Variants in ERBIN observed in about 807,000 individuals in gnomAD.
The protein encoded by ERBIN is densin-180-like protein.
In ERBIN, 60 loss-of-function variants were observed where a neutral mutation model predicts 158.4. That is an observed-to-expected ratio of 0.38 (90% confidence interval 0.31 to 0.47). ERBIN has a LOEUF of 0.47. Ranked by LOEUF, ERBIN falls within the 20% of genes least tolerant of loss-of-function variation. The probability of loss-of-function intolerance (pLI) is 0.99; values close to 1 mark genes in which losing one functional copy is unlikely to be tolerated. For synonymous variants in ERBIN, 594 were observed against 557.2 expected (o/e 1.07, Z -0.93); for missense variants, 1,610 against 1,648.0 (o/e 0.98, Z 0.40).
At position 66,054,493 on chromosome 5, in the gene ERBIN, A is replaced by G. The variant is rs1352039032; in HGVS notation, c.3175A>G (p.Ile1059Val). Residue 1059 changes from isoleucine to valine, a missense_variant, in exon 21 of 26, where the codon ATC (isoleucine) becomes GTC (valine). Physicochemically the swap from Ile to Val is conservative, Grantham distance 29 (BLOSUM62 3). This residue lies in a region of ERBIN where 1,014 missense variants were observed against 936.1 expected (regional missense o/e 1.08). Transcript: ENST00000284037. ...GPARHGEMWA[I>V]SPNDRLIPAV... ...AGCAAGACATGGGGAAATGTGGGCC[A>G]TCTCACCAAACGACCGACTTATTCC... 4 of 1,614,082 alleles carry G rather than the reference A, an allele frequency of 2.5e-6. No individual in the cohort carries two copies. Among genetic ancestry groups the G allele is most frequent in the Admixed American group, 3.3e-5 (2 of 59,982 alleles).
At chr5:65,989,399 A>C (rs866891017) in intron 2 of ERBIN, among the ~76,000 whole-genome samples, 14 of 152,306 alleles carry the variant, frequency 9.2e-5, no homozygotes, top group Middle Eastern at 6.8e-3. Context: ...CACCAGGCCC[A>C]CTGAATTTGA....
chr5:66,041,186 A>G (rs1484825113), intron 15 of ERBIN, among the ~76,000 whole-genome samples: 4 of 152,056 alleles, frequency 2.6e-5, no homozygotes, highest in African/African-American at 9.7e-5. Context: ...TACAAGGAGC[A>G]AAAGAAAGGT....
intron 1 of ERBIN, among the ~76,000 whole-genome samples, chr5:65,950,541 T>G (rs1351760358): frequency 6.6e-6 from 1 of 152,222 alleles, no homozygotes; most frequent in Non-Finnish European, 1.5e-5. Context: ...ATTTGAACTT[T>G]GATCACTTGG....
intron 23 of ERBIN, among the ~76,000 whole-genome samples, chr5:66,075,487 A>G (rs1761902907): frequency 6.6e-6 from 1 of 152,198 alleles, no homozygotes; most frequent in Non-Finnish European, 1.5e-5. Flanking sequence ...GGTTGATACT[A>G]CAGTAGTCAG....
rs964927198 is a variant in ERBIN, at chr5:66,014,824, T to G, written c.533+99T>G. 3.5e-5 allele frequency: 20 copies of G among 568,880 alleles called. No individual in the cohort carries two copies. The East Asian group carries it at 5.4e-4, about 15-fold the overall frequency. 35.2% of individuals were successfully genotyped at this position (568,880 alleles called of 1,614,324 possible). A position where few individuals can be genotyped will look rare whatever the true frequency, so the allele number is the denominator to read the frequency against. Reference sequence around the variant, plus strand: ...TTTATTACCTAAAATGTGGTGCAAATTATTTGTAAATCCTGACTGTGTGGT... The same window carrying G: ...TTTATTACCTAAAATGTGGTGCAAAGTATTTGTAAATCCTGACTGTGTGGT... On this transcript the variant is annotated intron_variant, in intron 7 of 25. Coordinates refer to ENST00000284037, the MANE Select transcript of ERBIN (RefSeq NM_001253697.2).
chr5:65,935,321 T>G (rs1743944529), intron 1 of ERBIN, among the ~76,000 whole-genome samples: 1 of 152,196 alleles, frequency 6.6e-6, no homozygotes, highest in Non-Finnish European at 1.5e-5. Flanking sequence ...AATGCAATTC[T>G]AATCCAGCAC....
At chr5:65,979,285 T>A (rs1416973072) in intron 1 of ERBIN, among the ~76,000 whole-genome samples, 1 of 151,368 alleles carries the variant, frequency 6.6e-6, no homozygotes, top group Non-Finnish European at 1.5e-5. Context: ...AACTGCTGAC[T>A]GTGGTGGTGG....
At chr5:66,031,265 AT>A (rs1756846691) in intron 14 of ERBIN, among the ~76,000 whole-genome samples, 1 of 152,182 alleles carries the variant, frequency 6.6e-6, no homozygotes. Context: ...CAGTAATATA[AT>A]TTTCATGAGC....
chr5:66,035,738 T>A (rs1757332556), intron 14 of ERBIN, among the ~76,000 whole-genome samples: 1 of 152,234 alleles, frequency 6.6e-6, no homozygotes, highest in Non-Finnish European at 1.5e-5. Flanking sequence ...ATATGTAAAG[T>A]TAAATGCATT....
chr5:66,025,529 G>A lies in ERBIN; in HGVS notation c.867G>A (p.Met289Ile), dbSNP rs371881644. ...TTAAAATAGATGAAAACCAGTTAAT[G>A]TATCTGCCAGACTCTATAGGAGGGT... ...TTLKIDENQL[M>I]YLPDSIGGLI... is the part of the protein sequence containing the mutation. Residue 289 changes from methionine to isoleucine, a missense_variant, in exon 11 of 26, where the codon ATG becomes ATA. Physicochemically the swap from Met to Ile is conservative, Grantham distance 10 (BLOSUM62 1). Coordinates refer to ENST00000284037, the MANE Select transcript of ERBIN (RefSeq NM_001253697.2). 287 of 1,612,154 alleles carry A rather than the reference G, an allele frequency of 1.8e-4. No individual in the cohort carries two copies. The highest frequency in any genetic ancestry group is 1.2e-3 in the African/African-American group (87 of 74,854).
At chr5:66,048,614 T>G in intron 18 of ERBIN, 53 bp from the exon 19 acceptor site, 1 of 955,588 alleles carries the variant, frequency 1.0e-6, no homozygotes, top group Non-Finnish European at 1.6e-6. Context: ...AATATTTATT[T>G]ATTTAAAGAA....
intron 7 of ERBIN, among the ~76,000 whole-genome samples, chr5:66,015,554 A>G (rs560520117): frequency 6.6e-6 from 1 of 152,306 alleles, no homozygotes; most frequent in East Asian, 1.9e-4. Flanking sequence ...TTAGGTGTAC[A>G]GGACCTAAAA....
chr5:65,974,748 A>G (rs1302930809), intron 1 of ERBIN, among the ~76,000 whole-genome samples: 1 of 152,250 alleles, frequency 6.6e-6, no homozygotes, highest in Non-Finnish European at 1.5e-5. Flanking sequence ...TTGAAACTGG[A>G]TGATCACCAA....
chr5:66,057,381 C>T (rs1407852466), intron 21 of ERBIN, among the ~76,000 whole-genome samples: 3 of 152,144 alleles, frequency 2.0e-5, no homozygotes, highest in Admixed American at 2.0e-4. Context: ...TCATCCTCAT[C>T]ATCACCATCT....
intron 12 of ERBIN, 136 bp downstream of exon 12, chr5:66,026,113 C>CTAAT: frequency 1.2e-6 from 1 of 847,010 alleles, no homozygotes; most frequent in Non-Finnish European, 1.7e-6. Flanking sequence ...GAATAATTAG[C>CTAAT]TATGTTAATT....
intron 14 of ERBIN, among the ~76,000 whole-genome samples, chr5:66,029,547 T>TTTCTGTTCTG (rs576569457): frequency 1.3e-5 from 2 of 151,356 alleles, no homozygotes; most frequent in African/African-American, 4.9e-5. Context: ...TGGGTACCCT[T>TTTCTGTTCTG]TTCTGTTCTG....
At chr5:66,078,360 T>G (rs188217971) in intron 25 of ERBIN, 63 bp from the exon 26 acceptor site, 1 of 1,036,232 alleles carries the variant, frequency 9.7e-7, no homozygotes, top group Non-Finnish European at 1.4e-6. Flanking sequence ...TGTGAACTAC[T>G]TGGCAGAAAT....
At chr5:66,024,226 T>C in intron 9 of ERBIN, 80 bp from the exon 10 acceptor site, 1 of 956,512 alleles carries the variant, frequency 1.0e-6, no homozygotes, top group Non-Finnish European at 1.5e-6. Flanking sequence ...AATTAAAACT[T>C]GGTATCAAGT....
At chr5:66,001,124 G>A (rs1394373231) in intron 4 of ERBIN, among the ~76,000 whole-genome samples, 1 of 151,996 alleles carries the variant, frequency 6.6e-6, no homozygotes, top group African/African-American at 2.4e-5. Flanking sequence ...TAAAAGAAAG[G>A]TTAGTACATT....
Sources: gnomAD v4.1 joint callset for allele counts (sites outside exome capture counted in the v4.1 genomes callset) on GRCh38, gnomAD v4.1.1 for gene constraint, gnomAD v4.1.1 regional missense constraint, MANE v1.5 for transcripts, NCBI Gene and HGNC (gene_info 2026-07-23, HGNC 2026-07-21) for gene names.